Variants in NMT2 observed in about 807,000 individuals in gnomAD.
The protein encoded by NMT2 is glycylpeptide N-tetradecanoyltransferase 2.
A neutral mutation model predicts 65.4 loss-of-function variants in NMT2; 35 were observed. The ratio of observed to expected loss-of-function variants is 0.54; its 90% CI spans 0.41 to 0.71. The LOEUF (loss-of-function observed/expected upper bound fraction) is 0.71. Ranked by LOEUF, NMT2 falls within the 30% of genes least tolerant of loss-of-function variation. The pLI, the probability that NMT2 is intolerant of heterozygous loss-of-function variation, is 0.00. For synonymous variants in NMT2, 226 were observed against 231.8 expected, an observed-to-expected ratio of 0.98 and a Z score of 0.23; for missense variants, 489 against 611.3, an observed-to-expected ratio of 0.80 and a Z score of 2.11.
At chr10:15,153,006 C>T (rs541267539) in intron 1 of NMT2, among the ~76,000 whole-genome samples, 8 of 152,242 alleles carry the variant, frequency 5.3e-5, no homozygotes, top group Middle Eastern at 3.4e-3. Context: ...CCATTCAATG[C>T]TACAATATAC....
intron 2 of NMT2, among the ~76,000 whole-genome samples, chr10:15,139,343 A>G (rs543536796): frequency 6.6e-6 from 1 of 152,134 alleles, no homozygotes; most frequent in East Asian, 1.9e-4. Context: ...ACCCTGACCA[A>G]TACACCTACC....
intron 1 of NMT2, among the ~76,000 whole-genome samples, chr10:15,158,161 C>G (rs1346747229): frequency 6.6e-6 from 1 of 151,918 alleles, no homozygotes; most frequent in Non-Finnish European, 1.5e-5. Flanking sequence ...ACTAAAAATA[C>G]AAAAATTAGC....
At chr10:15,151,497 G>C (rs1832801203) in intron 1 of NMT2, among the ~76,000 whole-genome samples, 1 of 152,216 alleles carries the variant, frequency 6.6e-6, no homozygotes, top group African/African-American at 2.4e-5. Flanking sequence ...ATGAAGTTTA[G>C]TTTGTGAAGT....
intron 8 of NMT2, among the ~76,000 whole-genome samples, chr10:15,123,827 T>C (rs779646146): frequency 6.6e-6 from 1 of 152,202 alleles, no homozygotes; most frequent in East Asian, 1.9e-4. Flanking sequence ...TCTACGTAGA[T>C]TGAAATCTGT....
At chr10:15,135,190 GTTT>G in intron 3 of NMT2, 81 bp downstream of exon 3, 1 of 1,237,288 alleles carries the variant, frequency 8.1e-7, no homozygotes, top group Non-Finnish European at 1.2e-6. Flanking sequence ...CACTCTTTGT[GTTT>G]TGTTGTTGTT....
chr10:15,117,960 A>C (rs1017759944), intron 9 of NMT2, among the ~76,000 whole-genome samples: 6 of 152,236 alleles, frequency 3.9e-5, no homozygotes, highest in African/African-American at 1.4e-4. Flanking sequence ...CTATCAGTGT[A>C]ATGTAATCCC....
chr10:15,147,737 C>T (rs1398277782), intron 1 of NMT2, among the ~76,000 whole-genome samples: 4 of 152,048 alleles, frequency 2.6e-5, no homozygotes, highest in African/African-American at 9.7e-5. Flanking sequence ...GTTTCTAGTG[C>T]CTAGAACAGT....
intron 8 of NMT2, among the ~76,000 whole-genome samples, chr10:15,127,555 A>AAAAAAAT (rs1846121330): frequency 1.1e-5 from 1 of 94,826 alleles, no homozygotes; most frequent in African/African-American, 1.2e-4. Flanking sequence ...TCAAAAAAAA[A>AAAAAAAT]AAAAAAAAAA....
At chr10:15,113,158 C>G (rs1182059698) in intron 9 of NMT2, among the ~76,000 whole-genome samples, 195 bp from the exon 10 acceptor site, 1 of 152,078 alleles carries the variant, frequency 6.6e-6, no homozygotes, top group Non-Finnish European at 1.5e-5. Context: ...GGACTTCAGC[C>G]TAAGTGCCCA....
At chr10:15,163,204 A>C (rs938284858) in intron 1 of NMT2, among the ~76,000 whole-genome samples, 1 of 152,144 alleles carries the variant, frequency 6.6e-6, no homozygotes, top group Non-Finnish European at 1.5e-5. Flanking sequence ...GAGCCACCAC[A>C]CCTGGCCCTA....
At position 15,108,336 on chromosome 10, in the gene NMT2, G is replaced by C. The variant is rs1845381993; in HGVS notation, c.*859C>G. 1 of 472,790 alleles carries C rather than the reference G, an allele frequency of 2.1e-6. No individual in the cohort carries two copies. Among genetic ancestry groups the C allele is most frequent in the Non-Finnish European group, 2.8e-6 (1 of 361,966 alleles). The allele number at this position is 472,790 out of a possible 1,614,324, so 29.3% of individuals were successfully genotyped here. On this transcript the variant is annotated 3_prime_UTR_variant, in exon 12 of 12. Transcript: ENST00000378165. ...CAAGCAGCTGGGACTACAGGCACAC[G>C]CCACCACGCCCGGCTAATTTTTGTA...
chr10:15,139,250 CTCTA>C (rs148766759), intron 2 of NMT2, among the ~76,000 whole-genome samples: 24,987 of 146,762 alleles, frequency 0.17, 2,236 homozygotes, highest in East Asian at 0.27. Context: ...ATAAACTCCC[CTCTA>C]TCTATCTATC....
At chr10:15,152,167 G>C (rs1175180828) in intron 1 of NMT2, among the ~76,000 whole-genome samples, 1 of 152,204 alleles carries the variant, frequency 6.6e-6, no homozygotes, top group African/African-American at 2.4e-5. Flanking sequence ...CAATTTCTAT[G>C]AGCAAAGTCA....
chr10:15,155,573 G>A (rs1832972077), intron 1 of NMT2, among the ~76,000 whole-genome samples: 1 of 132,936 alleles, frequency 7.5e-6, no homozygotes, highest in Admixed American at 7.8e-5. Flanking sequence ...TGTAGAGGCA[G>A]GATCTTGCTA....
chr10:15,150,037 G>T (rs1564585533), intron 1 of NMT2, among the ~76,000 whole-genome samples: 1 of 152,064 alleles, frequency 6.6e-6, no homozygotes, highest in South Asian at 2.1e-4. Context: ...CACATGCCCT[G>T]GTGTTCTGGT....
At chr10:15,163,499 T>C (rs1238107462) in intron 1 of NMT2, among the ~76,000 whole-genome samples, 1 of 152,238 alleles carries the variant, frequency 6.6e-6, no homozygotes, top group East Asian at 1.9e-4. Context: ...ACAGTAGTTC[T>C]TGATTTGAGG....
chr10:15,132,720 G>GCTTGGC (rs1231961995), intron 6 of NMT2, 97 bp downstream of exon 6: 12 of 851,248 alleles, frequency 1.4e-5, no homozygotes, highest in Admixed American at 4.3e-5. Flanking sequence ...GAGCCACTGC[G>GCTTGGC]CTTGGCCTGC....
intron 1 of NMT2, among the ~76,000 whole-genome samples, chr10:15,167,882 G>C (rs1833426837): frequency 6.6e-6 from 1 of 152,218 alleles, no homozygotes; most frequent in African/African-American, 2.4e-5. Flanking sequence ...AAGAGCTCTA[G>C]GGACAGGCGA....
rs546561449 is a variant in NMT2 at position 15,166,284 on chromosome 10, C to T, written c.110+2219G>A. On this transcript the variant is annotated intron_variant, in intron 1 of 11. Coordinates refer to ENST00000378165, the MANE Select transcript of NMT2 (RefSeq NM_004808.3). ...ATTACCTCTCTGCACTGGCCGCTGCCTGGTGGCCTCAAATTGACAAACTGC... is the reference window on the plus strand; with the variant it reads ...ATTACCTCTCTGCACTGGCCGCTGCTTGGTGGCCTCAAATTGACAAACTGC... Among the ~76,000 whole-genome samples the T allele has an allele frequency of 1.1e-4, 16 of 152,316 alleles. No homozygotes were observed. In the South Asian group the frequency reaches 2.7e-3, roughly 26 times the overall value.
Sources: allele counts gnomAD v4.1 joint callset (sites outside exome capture counted in the v4.1 genomes callset), GRCh38; gene constraint gnomAD v4.1.1; transcripts MANE v1.5; gene names NCBI Gene and HGNC (gene_info 2026-07-23, HGNC 2026-07-21).